DIXDC1: variants seen among roughly 807,000 people sequenced by gnomAD.
The protein encoded by DIXDC1 is DIX domain containing 1.
DIXDC1 carries 64 observed loss-of-function variants against 103.1 expected under a neutral mutation model. The ratio of observed to expected loss-of-function variants is 0.62; its 90% CI spans 0.51 to 0.76. DIXDC1 has a LOEUF of 0.76. Ranked by LOEUF, DIXDC1 falls within the 30% of genes least tolerant of loss-of-function variation. DIXDC1 has a pLI of 0.00. For synonymous variants in DIXDC1, 266 were observed against 298.5 expected, an observed-to-expected ratio of 0.89 and a Z score of 1.12; for missense variants, 759 against 834.2, an observed-to-expected ratio of 0.91 and a Z score of 1.11.
In DIXDC1 at chr11:112,017,756, T is replaced by A. The variant is rs1861638299; in HGVS notation, c.1863-21T>A. 1 of 1,581,968 alleles carries A rather than the reference T, an allele frequency of 6.3e-7. No individual in the cohort carries two copies. On this transcript the variant is annotated intron_variant, in intron 18 of 19. Transcript: ENST00000440460. The surrounding 1 kb of genome is among the most constrained non-coding windows in gnomAD (Gnocchi z 4.0). ...GCTATTGATCAACAGTCTATTTTAG[T>A]GCTCTCTCCTTGTGTTGCAGGTTGG...
At chr11:112,015,096 G>A (rs894818428) in intron 17 of DIXDC1, among the ~76,000 whole-genome samples, 1 of 152,042 alleles carries the variant, frequency 6.6e-6, no homozygotes, top group African/African-American at 2.4e-5. Flanking sequence ...TGTTGCCCAG[G>A]CTGGTCTCAA....
rs587688845 is a variant in DIXDC1 at position 111,929,518 on chromosome 11, G to T, written c.-36-300G>T. ...GGATCACTTGAACCCAGGAGTTAAAGGCTGCAGTGAGTTATGACAGTGCCA... is the reference window on the plus strand; with the variant it reads ...GGATCACTTGAACCCAGGAGTTAAATGCTGCAGTGAGTTATGACAGTGCCA... On this transcript the variant is annotated intron_variant, in intron 1 of 5. Transcript: ENST00000529225. Among the ~76,000 whole-genome samples the T allele has an allele frequency of 8.6e-5, 13 of 150,504 alleles. No individual in the cohort carries two copies. In the South Asian group the frequency reaches 2.7e-3, roughly 32 times the overall value.
At position 111,998,669 on chromosome 11, in the gene DIXDC1, G is replaced by T. The variant is rs1255140882; in HGVS notation, c.1756+2523G>T. On this transcript the variant is annotated intron_variant, in intron 17 of 19. Transcript: ENST00000440460. The surrounding 1 kb of genome is among the most constrained non-coding windows in gnomAD (Gnocchi z 4.1). ...AGTGATTCTCCTGCCTCAGCCTCCT[G>T]ATTACAGGCGCCCGCCACCACGCCC... 6.6e-6 allele frequency among the ~76,000 whole-genome samples: 1 copy of T among 152,020 alleles called. No individual in the cohort carries two copies. Among genetic ancestry groups the T allele is most frequent in the African/African-American group, 2.4e-5 (1 of 41,392 alleles).
chr11:111,978,222 A>G (rs1294042457), intron 5 of DIXDC1, among the ~76,000 whole-genome samples: 6 of 152,242 alleles, frequency 3.9e-5, no homozygotes, highest in African/African-American at 1.4e-4. Flanking sequence ...AGAGAGGATT[A>G]TGATGCTAAG....
intron 5 of DIXDC1, chr11:111,975,752 G>A: frequency 2.0e-6 from 2 of 985,212 alleles, no homozygotes; most frequent in Non-Finnish European, 2.4e-6. Flanking sequence ...AGGGCTAATT[G>A]TTCCTTGTCT....
chr11:111,949,087 T>A, intron 1 of DIXDC1, among the ~76,000 whole-genome samples: 1 of 152,104 alleles, frequency 6.6e-6, no homozygotes, highest in East Asian at 1.9e-4. Context: ...GCAGGGTCAA[T>A]GTGAAGGGAA....
At chr11:111,930,849 CTTT>C (rs782075106) in intron 2 of DIXDC1, among the ~76,000 whole-genome samples, 1 of 116,822 alleles carries the variant, frequency 8.6e-6, no homozygotes, top group East Asian at 2.2e-4. Flanking sequence ...TCTTTCTTTC[CTTT>C]TTTTTTTTTT....
intron 2 of DIXDC1, among the ~76,000 whole-genome samples, chr11:111,967,134 C>CTAG (rs1239534995): frequency 7.1e-6 from 1 of 140,458 alleles, no homozygotes; most frequent in Non-Finnish European, 1.5e-5. Flanking sequence ...CTTATATATT[C>CTAG]TCTACTCCTA....
At chr11:111,928,015 C>CAA (rs782156043) in intron 1 of DIXDC1, among the ~76,000 whole-genome samples, 1,991 of 67,754 alleles carry the variant, frequency 0.029, 147 homozygotes, top group African/African-American at 0.097. Flanking sequence ...GACTCCATCT[C>CAA]AAAAAAAAAA....
chr11:111,994,951 A>G, intron 14 of DIXDC1, 68 bp from the exon 15 acceptor site: 1 of 1,432,848 alleles, frequency 7.0e-7, no homozygotes, highest in Non-Finnish European at 9.7e-7. Flanking sequence ...GTAAAGAAGA[A>G]AAATAAGATA....
At chr11:112,016,476 A>G (rs1861593451) in intron 17 of DIXDC1, among the ~76,000 whole-genome samples, 1 of 152,132 alleles carries the variant, frequency 6.6e-6, no homozygotes, top group Non-Finnish European at 1.5e-5. Context: ...ATGAGTGAGG[A>G]GTGATGAGTC....
At chr11:111,949,495 C>T (rs1233479205) in intron 1 of DIXDC1, among the ~76,000 whole-genome samples, 1 of 152,222 alleles carries the variant, frequency 6.6e-6, no homozygotes, top group Non-Finnish European at 1.5e-5. Context: ...CTCACTGGTG[C>T]TGCTTCAGTT....
chr11:112,015,039 C>T (rs1555177574), intron 17 of DIXDC1, among the ~76,000 whole-genome samples: 1 of 152,102 alleles, frequency 6.6e-6, no homozygotes, highest in Non-Finnish European at 1.5e-5. Flanking sequence ...CACATGCCAC[C>T]ACGCCTGGCT....
rs35529010 is a variant in DIXDC1 at position 111,938,923 on chromosome 11, G to C, written c.60+1364G>C. 6.4e-3 allele frequency among the ~76,000 whole-genome samples: 980 copies of C among 152,312 alleles called. 15 individuals carry two copies. The highest frequency in any genetic ancestry group is 5.3e-3 in the Non-Finnish European group (363 of 68,032). ...TTGCATCCTTCCTGTCTGAACACAC[G>C]TAAGGGGATTGTTAACAAAGAGCTG... On this transcript the variant is annotated intron_variant, in intron 1 of 19. Coordinates refer to ENST00000440460, the MANE Select transcript of DIXDC1 (RefSeq NM_001037954.4).
In DIXDC1 at chr11:111,998,210, A is replaced by G. The variant is rs782545098; in HGVS notation, c.1756+2064A>G. Among the ~76,000 whole-genome samples the G allele has an allele frequency of 2.0e-5, 3 of 152,224 alleles. No individual in the cohort carries two copies. Among genetic ancestry groups the G allele is most frequent in the Non-Finnish European group, 4.4e-5 (3 of 68,052 alleles). ...AGTGTCATTCAGATATTCATTTAAC[A>G]TATTTACTAAGCATCCATTATTCAC... On this transcript the variant is annotated intron_variant, in intron 17 of 19. Transcript: ENST00000440460. This position sits in a 1 kb window ranked among gnomAD's most constrained non-coding sequence, Gnocchi z 4.1.
intron 1 of DIXDC1, 84 bp downstream of exon 1, chr11:111,937,643 C>T: frequency 7.1e-7 from 1 of 1,411,220 alleles, no homozygotes; most frequent in Non-Finnish European, 9.7e-7. Flanking sequence ...TCCTCCTCCT[C>T]CATCCTTTGG....
intron 5 of DIXDC1, among the ~76,000 whole-genome samples, chr11:111,979,328 C>G (rs1278534948): frequency 2.0e-5 from 3 of 152,166 alleles, no homozygotes; most frequent in African/African-American, 7.2e-5. Flanking sequence ...AATGTTAACT[C>G]CTGATCGTGG....
upstream of DIXDC1, among the ~76,000 whole-genome samples, chr11:111,933,944 C>T (rs1005580428): frequency 1.4e-4 from 22 of 152,224 alleles, no homozygotes; most frequent in Admixed American, 6.5e-5. Context: ...CTTAGGCTAA[C>T]ATCTTACTCT....
chr11:111,981,194 T>A lies in DIXDC1; in HGVS notation c.769+345T>A, dbSNP rs587766243. On this transcript the variant is annotated intron_variant, in intron 6 of 19. Coordinates refer to ENST00000440460, the MANE Select transcript of DIXDC1 (RefSeq NM_001037954.4). ...TATACAAATAATTGCAGGACTTACA[T>A]AACTTAAATTGGGACCAGAAATGCA... is the stretch of plus-strand genomic sequence containing the variant. 2.0e-5 allele frequency among the ~76,000 whole-genome samples: 3 copies of A among 152,334 alleles called. No individual in the cohort carries two copies. In the South Asian group the frequency reaches 6.2e-4, roughly 32 times the overall value.
Sources: allele counts gnomAD v4.1 joint callset (sites outside exome capture counted in the v4.1 genomes callset), GRCh38; gene constraint gnomAD v4.1.1; non-coding constraint Gnocchi (gnomAD v3.1); transcripts MANE v1.5; gene names NCBI Gene and HGNC (gene_info 2026-07-23, HGNC 2026-07-21).